Variants in AGAP1 observed in about 807,000 individuals in gnomAD.
AGAP1 encodes the protein arf-GAP with GTPase, ANK repeat and PH domain-containing protein 1.
Under a neutral mutation model 105.3 loss-of-function variants are expected in AGAP1, and 29 were observed. The ratio of observed to expected loss-of-function variants is 0.28; its 90% CI spans 0.21 to 0.38. The LOEUF (loss-of-function observed/expected upper bound fraction) is 0.38, where lower values mean the gene tolerates loss of function less well. AGAP1 is among the 10% of genes least tolerant of loss of function. AGAP1 has a pLI of 1.00. For missense variants in AGAP1, 998 were observed against 1,165.1 expected (o/e 0.86, Z 2.09); for synonymous variants, 509 against 485.9 (o/e 1.05, Z -0.63).
chr2:235,857,403 G>C (rs547036425), intron 9 of AGAP1, among the ~76,000 whole-genome samples: 1 of 152,230 alleles, frequency 6.6e-6, no homozygotes, highest in African/African-American at 2.4e-5. Context: ...AAGGTTGGGG[G>C]CCGCTGTCGT....
Position 235,851,945 on chromosome 2 carries a change from A to G in AGAP1, c.1051-31400A>G, listed in dbSNP as rs1016340056. On this transcript the variant is annotated intron_variant, in intron 9 of 17. Coordinates refer to ENST00000304032, the MANE Select transcript of AGAP1 (RefSeq NM_001037131.3). ...CAGCTTATTAAAAGAACTTATAGACATGAAAATACATTAAAGTGGGCAAAG... is the reference window on the plus strand; with the variant it reads ...CAGCTTATTAAAAGAACTTATAGACGTGAAAATACATTAAAGTGGGCAAAG... 1.6e-4 allele frequency among the ~76,000 whole-genome samples: 24 copies of G among 152,186 alleles called. 1 individual carries two copies. The highest frequency in any genetic ancestry group is 5.5e-4 in the African/African-American group (23 of 41,458).
chr2:235,661,321 T>C (rs921544669), intron 1 of AGAP1, among the ~76,000 whole-genome samples: 1 of 152,070 alleles, frequency 6.6e-6, no homozygotes, highest in African/African-American at 2.4e-5. Flanking sequence ...ATCGAGTGTT[T>C]TCCTCTGCCG....
chr2:235,502,291 G>A (rs886695850), intron 1 of AGAP1, among the ~76,000 whole-genome samples: 1 of 152,114 alleles, frequency 6.6e-6, no homozygotes, highest in South Asian at 2.1e-4. Flanking sequence ...AGAAGAGATC[G>A]TTAATGGATT....
chr2:235,571,477 AT>A (rs1313126600), intron 1 of AGAP1, among the ~76,000 whole-genome samples: 5 of 152,212 alleles, frequency 3.3e-5, no homozygotes, highest in African/African-American at 1.2e-4. Flanking sequence ...TGGCTGCCTT[AT>A]TGGACCACAC....
intron 13 of AGAP1, among the ~76,000 whole-genome samples, chr2:236,019,087 C>T (rs2056804129): frequency 6.6e-6 from 1 of 152,238 alleles, no homozygotes. Flanking sequence ...TTCCCTCCAA[C>T]ACTCGTTTTC....
intron 6 of AGAP1, among the ~76,000 whole-genome samples, chr2:235,772,462 T>G (rs953439470): frequency 6.6e-6 from 1 of 152,222 alleles, no homozygotes; most frequent in East Asian, 1.9e-4. Context: ...GATCTCCATC[T>G]TAGCTGTTCC....
At chr2:236,030,086 T>C (rs920468479) in intron 13 of AGAP1, among the ~76,000 whole-genome samples, 1 of 152,260 alleles carries the variant, frequency 6.6e-6, no homozygotes, top group East Asian at 1.9e-4. Flanking sequence ...ATCTCAAGTC[T>C]ACACTGTTAT....
At position 235,842,974 on chromosome 2, in the gene AGAP1, G is replaced by A. The variant is rs531209045; in HGVS notation, c.1050+35643G>A. The stretch of plus-strand genomic sequence containing the variant: ...ACTCCTGACCTCAGGTGATCGGCCC[G>A]CCTCGGCCTCCCAAAGTGCTGGAGT... On this transcript the variant is annotated intron_variant, in intron 9 of 17. Transcript: ENST00000304032. This position sits in a 1 kb window ranked among gnomAD's most constrained non-coding sequence, Gnocchi z 5.3. 1.3e-5 allele frequency among the ~76,000 whole-genome samples: 2 copies of A among 152,290 alleles called. No individual in the cohort carries two copies. The highest frequency in any genetic ancestry group is 3.9e-4 in the East Asian group (2 of 5,180).
At chr2:235,810,077 C>A (rs1427751350) in intron 9 of AGAP1, among the ~76,000 whole-genome samples, 1 of 152,190 alleles carries the variant, frequency 6.6e-6, no homozygotes, top group Non-Finnish European at 1.5e-5. Context: ...GATGAAAAGC[C>A]TTCAGAAAGC....
At chr2:235,813,948 C>T (rs940501746) in intron 9 of AGAP1, among the ~76,000 whole-genome samples, 1 of 152,176 alleles carries the variant, frequency 6.6e-6, no homozygotes, top group African/African-American at 2.4e-5. Flanking sequence ...GGACTCTCCT[C>T]CTACCGCCCC....
At position 235,979,449 on chromosome 2, in the gene AGAP1, T is replaced by A. The variant is rs2054997365; in HGVS notation, c.1645+10826T>A. Among the ~76,000 whole-genome samples the A allele has an allele frequency of 6.6e-6, 1 of 152,206 alleles. No individual in the cohort carries two copies. The highest frequency in any genetic ancestry group is 6.5e-5 in the Admixed American group (1 of 15,282). On this transcript the variant is annotated intron_variant, in intron 13 of 17. Transcript: ENST00000304032. The surrounding 1 kb of genome is among the most constrained non-coding windows in gnomAD (Gnocchi z 4.5). ...GACTCGCGCTCATTTTATCAAGATG[T>A]ATTAATGCTTTGGAGAAGGTGTAGT...
At chr2:235,632,381 G>A (rs1946857160) in intron 1 of AGAP1, among the ~76,000 whole-genome samples, 2 of 152,134 alleles carry the variant, frequency 1.3e-5, no homozygotes, top group Admixed American at 1.3e-4. Flanking sequence ...GGGGGACTGG[G>A]ACCTCTCAGC....
At position 235,982,738 on chromosome 2, in the gene AGAP1, C is replaced by T. The variant is rs989549654; in HGVS notation, c.1645+14115C>T. On this transcript the variant is annotated intron_variant, in intron 13 of 17. Transcript: ENST00000304032. The surrounding 1 kb of genome is among the most constrained non-coding windows in gnomAD (Gnocchi z 4.9). ...CTTTCCAGACTTCCACCATTGTGCC[C>T]TGAGTGGTTCCAGAATGTCATTGAT... is the stretch of plus-strand genomic sequence containing the variant. 6.6e-6 allele frequency among the ~76,000 whole-genome samples: 1 copy of T among 152,212 alleles called. No homozygotes were observed. The highest frequency in any genetic ancestry group is 1.5e-5 in the Non-Finnish European group (1 of 68,046).
intron 9 of AGAP1, among the ~76,000 whole-genome samples, chr2:235,828,983 A>G (rs1959181044): frequency 6.6e-6 from 1 of 152,154 alleles, no homozygotes; most frequent in African/African-American, 2.4e-5. Context: ...TTGTCTTAAG[A>G]TGCAGTTTTG....
At chr2:235,938,393 C>G (rs905374276) in intron 12 of AGAP1, among the ~76,000 whole-genome samples, 1 of 152,190 alleles carries the variant, frequency 6.6e-6, no homozygotes, top group Non-Finnish European at 1.5e-5. Context: ...ACGCTGGGTG[C>G]GCAGCGTGTC....
chr2:236,012,155 T>C lies in AGAP1; in HGVS notation c.1646-24406T>C, dbSNP rs1042367029. Among the ~76,000 whole-genome samples the C allele has an allele frequency of 6.6e-6, 1 of 152,030 alleles. No homozygotes were observed. The highest frequency in any genetic ancestry group is 1.5e-5 in the Non-Finnish European group (1 of 68,008). ...TAAAATGGATTATTTCATCAATAGG[T>C]TAATAGAAAGCCGGGCTGCAAGTTC... is the stretch of plus-strand genomic sequence containing the variant. On this transcript the variant is annotated intron_variant, in intron 13 of 17. Coordinates refer to ENST00000304032, the MANE Select transcript of AGAP1 (RefSeq NM_001037131.3). This position sits in a 1 kb window ranked among gnomAD's most constrained non-coding sequence, Gnocchi z 4.9.
intron 11 of AGAP1, among the ~76,000 whole-genome samples, chr2:235,914,880 A>G (rs1294327339): frequency 1.3e-5 from 2 of 152,218 alleles, no homozygotes; most frequent in Admixed American, 6.5e-5. Context: ...GAGAGCATGC[A>G]TCGGAACAGG....
At chr2:236,049,679 C>CG (rs557030065) in intron 16 of AGAP1, 1 of 155,938 alleles carries the variant, frequency 6.4e-6, no homozygotes, top group East Asian at 1.9e-4. Flanking sequence ...CGATCCCCCC[C>CG]CCGCACCATC....
intron 3 of AGAP1, among the ~76,000 whole-genome samples, chr2:235,722,563 C>T (rs1454652443): frequency 6.6e-6 from 1 of 152,140 alleles, no homozygotes; most frequent in East Asian, 1.9e-4. Flanking sequence ...ACAGTGTTTT[C>T]CTGGCTATCT....
Sources: gnomAD v4.1 joint callset for allele counts (sites outside exome capture counted in the v4.1 genomes callset) on GRCh38, gnomAD v4.1.1 for gene constraint, Gnocchi (gnomAD v3.1) non-coding constraint, MANE v1.5 for transcripts, NCBI Gene and HGNC (gene_info 2026-07-23, HGNC 2026-07-21) for gene names.